Variants in DAZL observed in about 807,000 individuals in gnomAD.
DAZL encodes the protein deleted in azoospermia-like.
In DAZL, 4 loss-of-function variants were observed where a neutral mutation model predicts 45.0. The observed-to-expected ratio is 0.09, with a 90% CI of 0.04 to 0.20. The LOEUF is 0.20. DAZL is among the 10% of genes least tolerant of loss of function. The probability of loss-of-function intolerance (pLI) is 1.00; values close to 1 mark genes in which losing one functional copy is unlikely to be tolerated. For missense variants in DAZL, 326 were observed against 351.3 expected (o/e 0.93, Z 0.58); for synonymous variants, 122 against 112.4 (o/e 1.09, Z -0.54).
intron 6 of DAZL, among the ~76,000 whole-genome samples, chr3:16,596,424 G>C (rs986551966): frequency 2.0e-5 from 3 of 151,970 alleles, no homozygotes; most frequent in African/African-American, 4.8e-5. Flanking sequence ...GCTAACCTTA[G>C]AGAAGAATAT....
At chr3:16,604,142 G>C (rs2125049865) in intron 1 of DAZL, among the ~76,000 whole-genome samples, 1 of 152,096 alleles carries the variant, frequency 6.6e-6, no homozygotes, top group South Asian at 2.1e-4. Context: ...GTTTATACAT[G>C]GTAATATAAA....
At chr3:16,602,870 C>T (rs940221524) in intron 1 of DAZL, among the ~76,000 whole-genome samples, 2 of 152,136 alleles carry the variant, frequency 1.3e-5, no homozygotes, top group Admixed American at 1.3e-4. Flanking sequence ...AAGGTAAGGG[C>T]ACCTCCTTAT....
chr3:16,592,038 T>G lies in DAZL; in HGVS notation c.834+12A>C. 2 of 1,609,350 alleles carry G rather than the reference T, an allele frequency of 1.2e-6. No individual in the cohort carries two copies. The highest frequency in any genetic ancestry group is 1.7e-6 in the Non-Finnish European group (2 of 1,175,910). ...TGTGCTTTTTAATTGTGCGTAACTGTTATATTCATACCTTGAAGTAGTCAT... is the reference window on the plus strand; with the variant it reads ...TGTGCTTTTTAATTGTGCGTAACTGGTATATTCATACCTTGAAGTAGTCAT... On this transcript the variant is annotated intron_variant, in intron 10 of 10. Coordinates refer to ENST00000399444, the MANE Select transcript of DAZL (RefSeq NM_001351.4).
rs557318876 is a variant in DAZL, at chr3:16,586,794, T to A, written c.*1866A>T. The A allele has an allele frequency of 6.6e-6, 1 of 152,146 alleles. No individual in the cohort carries two copies. The highest frequency in any genetic ancestry group is 2.4e-5 in the African/African-American group (1 of 41,448). 9.4% of individuals were successfully genotyped at this position (152,146 alleles called of 1,614,324 possible). ...TTACATCAGAATGCTAAAAACACTTTTGAAGAAAAAAACTTTATTTTTATT... is the reference window on the plus strand; with the variant it reads ...TTACATCAGAATGCTAAAAACACTTATGAAGAAAAAAACTTTATTTTTATT... On this transcript the variant is annotated 3_prime_UTR_variant, in exon 11 of 11. Coordinates refer to ENST00000399444, the MANE Select transcript of DAZL (RefSeq NM_001351.4).
chr3:16,598,312 T>C, intron 2 of DAZL, 134 bp from the exon 3 acceptor site: 2 of 1,412,698 alleles, frequency 1.4e-6, no homozygotes, highest in Non-Finnish European at 2.0e-6. Flanking sequence ...TTGTCAAAGA[T>C]ATTTTTAGTA....
At chr3:16,604,928 C>T (rs773694564) in intron 1 of DAZL, 73 of 680,142 alleles carry the variant, frequency 1.1e-4, no homozygotes, top group Non-Finnish European at 1.7e-4. Flanking sequence ...TCAAGAAGGC[C>T]GTGGCCCTTG....
At chr3:16,604,830 G>C (rs1267991449) in intron 1 of DAZL, 2 of 844,516 alleles carry the variant, frequency 2.4e-6, no homozygotes, top group East Asian at 5.9e-5. Flanking sequence ...GAGCGCGTGG[G>C]AGTGGGGGCG....
At position 16,596,974 on chromosome 3, in the gene DAZL, C is replaced by CT; in HGVS notation, c.358+13dup. 1.2e-6 allele frequency: 2 copies of CT among 1,612,992 alleles called. No individual in the cohort carries two copies. The highest frequency in any genetic ancestry group is 8.5e-7 in the Non-Finnish European group (1 of 1,179,338). The stretch of plus-strand genomic sequence containing the variant: ...CTTTTATGTTTAAAAAGAACAATTT[C>CT]TTTTTGTACTCACATAAATTTTGTT... On this transcript the variant is annotated intron_variant, in intron 5 of 10. Transcript: ENST00000399444.
At chr3:16,597,402 T>A in intron 4 of DAZL, 88 bp downstream of exon 4, 2 of 959,732 alleles carry the variant, frequency 2.1e-6, no homozygotes, top group South Asian at 2.6e-5. Flanking sequence ...TGTATCGTCT[T>A]CCAAATTTTA....
chr3:16,602,838 C>G (rs1048511037), intron 1 of DAZL, among the ~76,000 whole-genome samples: 1 of 152,142 alleles, frequency 6.6e-6, no homozygotes, highest in African/African-American at 2.4e-5. Flanking sequence ...ATACTAGAGT[C>G]ATCTCCATTG....
At chr3:16,597,460 C>T (rs771384044) in intron 4 of DAZL, 30 bp downstream of exon 4, 1 of 1,349,474 alleles carries the variant, frequency 7.4e-7, no homozygotes, top group South Asian at 1.2e-5. Context: ...ATCAATTAAA[C>T]AAATGAGATT....
chr3:16,597,430 C>A, intron 4 of DAZL, 60 bp downstream of exon 4: 1 of 1,077,126 alleles, frequency 9.3e-7, no homozygotes, highest in Non-Finnish European at 1.4e-6. Flanking sequence ...CTGAGTATAT[C>A]ACTTGACACT....
At chr3:16,604,768 G>C (rs1247865996) in intron 1 of DAZL, 1 of 1,360,806 alleles carries the variant, frequency 7.3e-7, no homozygotes, top group Non-Finnish European at 9.4e-7. Context: ...AATGAGGCTG[G>C]CGGGGCGGAG....
chr3:16,593,939 G>A (rs1029977979), intron 8 of DAZL, among the ~76,000 whole-genome samples, 171 bp from the exon 9 acceptor site: 1 of 152,124 alleles, frequency 6.6e-6, no homozygotes, highest in African/African-American at 2.4e-5. Flanking sequence ...AATACAGTAA[G>A]GCAGCCTTCT....
chr3:16,590,878 G>C (rs759874405), intron 10 of DAZL, among the ~76,000 whole-genome samples: 1 of 151,108 alleles, frequency 6.6e-6, no homozygotes, highest in Non-Finnish European at 1.5e-5. Context: ...AAAATAGCAG[G>C]TGACTGCTAA....
chr3:16,596,909 A>G lies in DAZL; in HGVS notation c.359-20T>C. ...AAGCACCTTTTTGAAAAGCAAAAAG[A>G]AAAGGCCTATTTTTAGTTCTTTGAA... On this transcript the variant is annotated intron_variant, in intron 5 of 10. Transcript: ENST00000399444. The G allele has an allele frequency of 1.2e-6, 2 of 1,613,778 alleles. No individual in the cohort carries two copies. Among genetic ancestry groups the G allele is most frequent in the East Asian group, 4.5e-5 (2 of 44,860 alleles).
At chr3:16,597,652 T>C in intron 3 of DAZL, 111 bp from the exon 4 acceptor site, 1 of 735,268 alleles carries the variant, frequency 1.4e-6, no homozygotes, top group East Asian at 2.6e-5. Context: ...TATACTATGC[T>C]AAATATTTAA....
chr3:16,589,171 T>C (rs1416186079), intron 10 of DAZL, among the ~76,000 whole-genome samples: 1 of 152,182 alleles, frequency 6.6e-6, no homozygotes, highest in African/African-American at 2.4e-5. Flanking sequence ...AGTTTTGGCA[T>C]TTAAAGACAT....
Position 16,588,389 on chromosome 3 carries a change from C to A in DAZL, c.*271G>T, listed in dbSNP as rs1694469968. The A allele has an allele frequency of 5.5e-6, 2 of 365,210 alleles. No homozygotes were observed. Among genetic ancestry groups the A allele is most frequent in the South Asian group, 3.1e-5 (1 of 32,728 alleles). The allele number at this position is 365,210 out of a possible 1,614,324, so 22.6% of individuals were successfully genotyped here. On this transcript the variant is annotated 3_prime_UTR_variant, in exon 11 of 11. Coordinates refer to ENST00000399444, the MANE Select transcript of DAZL (RefSeq NM_001351.4). ...TATTTGCTTTTAAACACTTAAAATG[C>A]CAATTTTTAAAAAATCCTTGCAGAT...
Sources: gnomAD v4.1 joint callset for allele counts (sites outside exome capture counted in the v4.1 genomes callset) on GRCh38, gnomAD v4.1.1 for gene constraint, MANE v1.5 for transcripts, NCBI Gene and HGNC (gene_info 2026-07-23, HGNC 2026-07-21) for gene names.